The following RASGEF1C variants were observed in gnomAD, a reference collection of about 807,000 sequenced individuals.
RASGEF1C encodes RasGEF domain family member 1C.
A neutral mutation model predicts 58.1 loss-of-function variants in RASGEF1C; 27 were observed. The observed-to-expected ratio is 0.46, with a 90% CI of 0.34 to 0.64. RASGEF1C has a LOEUF of 0.64. RASGEF1C is among the 30% of genes least tolerant of loss of function. The probability of loss-of-function intolerance (pLI) is 0.01; values close to 1 mark genes in which losing one functional copy is unlikely to be tolerated. For missense variants in RASGEF1C, 502 were observed against 605.1 expected, an observed-to-expected ratio of 0.83 and a Z score of 1.79; for synonymous variants, 243 against 246.3, an observed-to-expected ratio of 0.99 and a Z score of 0.13.
rs1766885136 is a variant in RASGEF1C, at chr5:180,158,585, G to C, written c.-6-20527C>G. 6.6e-6 allele frequency among the ~76,000 whole-genome samples: 1 copy of C among 152,120 alleles called. No individual in the cohort carries two copies. The highest frequency in any genetic ancestry group is 6.6e-5 in the Admixed American group (1 of 15,264). On this transcript the variant is annotated intron_variant, in intron 1 of 13. Transcript: ENST00000361132. The surrounding 1 kb of genome is among the most constrained non-coding windows in gnomAD (Gnocchi z 4.0). ...AGAATTTTCTTTGTTCCCGTAGGGT[G>C]ACCTGTCATGCTGGTTTGCCTGGGA...
intron 12 of RASGEF1C, among the ~76,000 whole-genome samples, chr5:180,110,744 C>G (rs763458685): frequency 3.3e-5 from 5 of 152,202 alleles, no homozygotes; most frequent in Non-Finnish European, 5.9e-5. Context: ...GTCTGTTACA[C>G]CTGCACACAC....
intron 1 of RASGEF1C, among the ~76,000 whole-genome samples, chr5:180,190,439 G>A (rs867673847): frequency 1.6e-4 from 21 of 134,608 alleles, no homozygotes; most frequent in African/African-American, 4.9e-4. Flanking sequence ...GCAGTGAGCT[G>A]AGATCGCGCC....
Position 180,127,180 on chromosome 5 carries a change from G to A in RASGEF1C, c.714+429C>T, listed in dbSNP as rs555300018. ...ACCCAGGAGTTCCCTTACCCATCCC[G>A]GGCAGCGGGCAGCAACCCGCGCTTC... On this transcript the variant is annotated intron_variant, in intron 6 of 13. Coordinates refer to ENST00000361132, the MANE Select transcript of RASGEF1C (RefSeq NM_175062.4). Among the ~76,000 whole-genome samples the A allele has an allele frequency of 3.1e-3, 468 of 152,208 alleles. 6 individuals are homozygous for A. The highest frequency in any genetic ancestry group is 0.011 in the African/African-American group (447 of 41,540).
rs1466373410 is a variant in RASGEF1C at position 180,136,526 on chromosome 5, G to A, written c.301-11C>T. On this transcript the variant is annotated splice_polypyrimidine_tract_variant and intron_variant, in intron 3 of 13. Transcript: ENST00000361132. ...CTTCCGGACCCGGGCCTACGGGCAA[G>A]CGAGGGGCACCGCGCTCGTGAGGGG... The A allele has an allele frequency of 1.9e-6, 3 of 1,570,256 alleles. No homozygotes were observed. The highest frequency in any genetic ancestry group is 1.3e-5 in the African/African-American group (1 of 74,136).
At chr5:180,182,372 C>G (rs1767358174) in intron 1 of RASGEF1C, among the ~76,000 whole-genome samples, 1 of 152,024 alleles carries the variant, frequency 6.6e-6, no homozygotes, top group African/African-American at 2.4e-5. Context: ...TGTTACAGCT[C>G]TTAAAGGTGG....
rs148318713 is a variant in RASGEF1C, at chr5:180,122,200, T to A, written c.715-1051A>T. On this transcript the variant is annotated intron_variant, in intron 6 of 13. Transcript: ENST00000361132. ...TCTCACAGGAGCCTAACCTTGCATT[T>A]CCCCCCGGGAGCGATGGTTCTGTGC... Among the ~76,000 whole-genome samples, 679 of 152,246 alleles carry A rather than the reference T, an allele frequency of 4.5e-3. 3 individuals carry two copies. The highest frequency in any genetic ancestry group is 0.016 in the African/African-American group (650 of 41,552).
intron 1 of RASGEF1C, among the ~76,000 whole-genome samples, chr5:180,191,412 A>G (rs1376625486): frequency 6.6e-5 from 10 of 151,986 alleles, no homozygotes; most frequent in African/African-American, 1.2e-4. Flanking sequence ...GCTGGAGTGC[A>G]GTGGCGCGAT....
At position 180,194,440 on chromosome 5, in the gene RASGEF1C, G is replaced by A. The variant is rs1353694626; in HGVS notation, c.-7+14588C>T. ...TCATCCAAAGTGCTAATACAATTTG[G>A]CCGCACCCATGCGGAAGCATCTGCG... On this transcript the variant is annotated intron_variant, in intron 1 of 13. Coordinates refer to ENST00000361132, the MANE Select transcript of RASGEF1C (RefSeq NM_175062.4). 2.6e-5 allele frequency among the ~76,000 whole-genome samples: 4 copies of A among 152,218 alleles called. No individual in the cohort carries two copies. In the East Asian group the frequency reaches 7.7e-4, roughly 29 times the overall value.
rs1767248402 is a variant in RASGEF1C, at chr5:180,177,363, T to C, written c.-7+31665A>G. ...AGACACAGGCTGTTCATCGGCTCCA[T>C]TTTTAACCTTCCTTAGTCCCAGCAG... On this transcript the variant is annotated intron_variant, in intron 1 of 13. Transcript: ENST00000361132. The surrounding 1 kb of genome is among the most constrained non-coding windows in gnomAD (Gnocchi z 5.0). Among the ~76,000 whole-genome samples the C allele has an allele frequency of 6.6e-6, 1 of 152,186 alleles. No individual in the cohort carries two copies. Among genetic ancestry groups the C allele is most frequent in the African/African-American group, 2.4e-5 (1 of 41,442 alleles).
intron 6 of RASGEF1C, among the ~76,000 whole-genome samples, chr5:180,122,467 G>A (rs945541975): frequency 3.9e-5 from 6 of 152,010 alleles, no homozygotes; most frequent in Middle Eastern, 6.8e-3. Context: ...TAGGCCAAGC[G>A]CAGTGGCTCA....
At chr5:180,182,216 A>G (rs1254991424) in intron 1 of RASGEF1C, among the ~76,000 whole-genome samples, 1 of 147,108 alleles carries the variant, frequency 6.8e-6, no homozygotes, top group Non-Finnish European at 1.5e-5. Flanking sequence ...AAAAAAAAAA[A>G]AAAAAAAAAA....
At chr5:180,121,344 C>T (rs1373135670) in intron 6 of RASGEF1C, among the ~76,000 whole-genome samples, 195 bp from the exon 7 acceptor site, 5 of 150,780 alleles carry the variant, frequency 3.3e-5, no homozygotes, top group African/African-American at 7.4e-5. Flanking sequence ...GACGGAGTCC[C>T]GCTCTGTCGC....
Position 180,101,520 on chromosome 5 carries a change from G to A in RASGEF1C, c.1382C>T (p.Ser461Phe). ...GCGCTTTCATGTCTTCCCCAAAATAGAAGATCTGCAGATTTAAGCATGTCG... is the reference window on the plus strand; with the variant it reads ...GCGCTTTCATGTCTTCCCCAAAATAAAAGATCTGCAGATTTAAGCATGTCG... ...EKERWKALRS[S>F]ILGKT is the part of the protein sequence containing the mutation. Residue 461 changes from serine to phenylalanine, a missense_variant, in exon 14 of 14, where the codon TCT (serine) becomes TTT (phenylalanine). Coordinates refer to ENST00000361132, the MANE Select transcript of RASGEF1C (RefSeq NM_175062.4). The A allele has an allele frequency of 3.1e-6, 5 of 1,612,314 alleles. No homozygotes were observed. The highest frequency in any genetic ancestry group is 4.2e-6 in the Non-Finnish European group (5 of 1,179,918).
At chr5:180,151,050 C>T (rs1220151672) in intron 1 of RASGEF1C, among the ~76,000 whole-genome samples, 2 of 151,628 alleles carry the variant, frequency 1.3e-5, no homozygotes, top group African/African-American at 4.8e-5. Flanking sequence ...CAAACCACTG[C>T]TCAATGAAAT....
At chr5:180,113,874 A>T (rs1358951011) in intron 11 of RASGEF1C, among the ~76,000 whole-genome samples, 2 of 152,008 alleles carry the variant, frequency 1.3e-5, no homozygotes, top group Non-Finnish European at 2.9e-5. Flanking sequence ...AGATGGAGGG[A>T]TCGAGGATGG....
chr5:180,149,448 T>C (rs1291158135), intron 1 of RASGEF1C, among the ~76,000 whole-genome samples: 1 of 150,564 alleles, frequency 6.6e-6, no homozygotes, highest in African/African-American at 2.4e-5. Context: ...GGATCAGTTT[T>C]TGTTTTGTTT....
intron 1 of RASGEF1C, among the ~76,000 whole-genome samples, chr5:180,157,674 G>A (rs966613693): frequency 1.0e-4 from 15 of 150,592 alleles, no homozygotes; most frequent in African/African-American, 2.9e-4. Flanking sequence ...ATGAAAAGAC[G>A]TGGAGAAAAT....
In RASGEF1C at chr5:180,157,483, C is replaced by T. The variant is rs1766870529; in HGVS notation, c.-6-19425G>A. On this transcript the variant is annotated intron_variant, in intron 1 of 13. Transcript: ENST00000361132. ...CTAAAAAAAAAAATACATAATTAGC[C>T]GGGCATGGTGGCGCATGCTTGTAAT... 3.3e-5 allele frequency among the ~76,000 whole-genome samples: 5 copies of T among 151,794 alleles called. No individual in the cohort carries two copies. The South Asian group carries it at 8.3e-4, about 25-fold the overall frequency.
At position 180,198,932 on chromosome 5, in the gene RASGEF1C, AAGT is replaced by A. The variant is rs373448892; in HGVS notation, c.-7+10093_-7+10095del. Among the ~76,000 whole-genome samples, 85 of 152,188 alleles carry A rather than the reference AAGT, an allele frequency of 5.6e-4. No individual in the cohort carries two copies. Among genetic ancestry groups the A allele is most frequent in the African/African-American group, 2.0e-3 (83 of 41,504 alleles). Reference sequence around the variant, plus strand: ...AGGCCTTGAGGCTGGAGGAGTGAGGAAGTAGGAGAAAGCCCCCAGGAAGGACTC... The same window carrying A: ...AGGCCTTGAGGCTGGAGGAGTGAGGAAGGAGAAAGCCCCCAGGAAGGACTC... On this transcript the variant is annotated intron_variant, in intron 1 of 13. Transcript: ENST00000361132. The surrounding 1 kb of genome is among the most constrained non-coding windows in gnomAD (Gnocchi z 4.5).
Sources: gnomAD v4.1 joint callset for allele counts (sites outside exome capture counted in the v4.1 genomes callset) on GRCh38, gnomAD v4.1.1 for gene constraint, Gnocchi (gnomAD v3.1) non-coding constraint, MANE v1.5 for transcripts, NCBI Gene and HGNC (gene_info 2026-07-23, HGNC 2026-07-21) for gene names.